Variants in ITGA1 observed in about 807,000 individuals in gnomAD.
The protein encoded by ITGA1 is integrin subunit alpha 1.
Under a neutral mutation model 145.9 loss-of-function variants are expected in ITGA1, and 85 were observed. That is an observed-to-expected ratio of 0.58 (90% CI 0.49 to 0.70). ITGA1 has a LOEUF of 0.70. ITGA1 is among the 30% of genes least tolerant of loss of function. ITGA1 has a pLI of 0.00. For missense variants in ITGA1, 1,351 were observed against 1,418.7 expected (o/e 0.95, Z 0.77); for synonymous variants, 520 against 495.3 (o/e 1.05, Z -0.66).
At chr5:52,832,898 G>T (rs1309447007) in intron 1 of ITGA1, among the ~76,000 whole-genome samples, 1 of 149,890 alleles carries the variant, frequency 6.7e-6, no homozygotes, top group Non-Finnish European at 1.5e-5. Context: ...GCCATCAAAA[G>T]CTTTGAGATT....
intron 14 of ITGA1, among the ~76,000 whole-genome samples, chr5:52,914,496 C>T (rs759400930): frequency 2.0e-5 from 3 of 151,658 alleles, no homozygotes; most frequent in Non-Finnish European, 4.4e-5. Context: ...ATTAGCCGGG[C>T]ATGGTGGCGC....
intron 1 of ITGA1, among the ~76,000 whole-genome samples, chr5:52,821,206 A>G (rs922442048): frequency 1.3e-5 from 2 of 152,226 alleles, no homozygotes; most frequent in Admixed American, 6.5e-5. Flanking sequence ...CAATAGCATT[A>G]AGATTAAGGA....
chr5:52,868,964 T>C, intron 6 of ITGA1, among the ~76,000 whole-genome samples: 1 of 152,158 alleles, frequency 6.6e-6, no homozygotes, highest in East Asian at 1.9e-4. Flanking sequence ...TGGGTAATAG[T>C]GGGGAAGATG....
At chr5:52,804,172 G>A (rs1748545451) in intron 1 of ITGA1, 1 of 152,064 alleles carries the variant, frequency 6.6e-6, no homozygotes, top group Non-Finnish European at 1.5e-5. Flanking sequence ...TCTCTGGAAA[G>A]CATATACAGT....
Position 52,910,416 on chromosome 5 carries a change from A to G in ITGA1, c.1854A>G (p.Ala618=). ...GSGKTIRKEY[A]QRIPSGGDGK... ...GCAAGACTATAAGGAAAGAGTATGC[A>G]CAAGTAAGAATTGAAACCTACAGAT... is the stretch of plus-strand genomic sequence containing the variant. The change falls in exon 14 of 29, where the codon GCA becomes GCG. Residue 618 remains alanine, a synonymous_variant. Transcript: ENST00000282588. 1 of 1,610,684 alleles carries G rather than the reference A, an allele frequency of 6.2e-7. No homozygotes were observed. Among genetic ancestry groups the G allele is most frequent in the Non-Finnish European group, 8.5e-7 (1 of 1,177,174 alleles).
intron 1 of ITGA1, among the ~76,000 whole-genome samples, chr5:52,809,942 C>T (rs6896291): frequency 0.27 from 40,342 of 152,042 alleles, 5,629 homozygotes; most frequent in Non-Finnish European, 0.3. Flanking sequence ...TACCTCCTAC[C>T]CTCATAAGAA....
chr5:52,877,899 G>A (rs1749892431), intron 6 of ITGA1, among the ~76,000 whole-genome samples: 1 of 152,188 alleles, frequency 6.6e-6, no homozygotes, highest in African/African-American at 2.4e-5. Context: ...CCAGCTCCCA[G>A]AAGCAAACCC....
intron 1 of ITGA1, chr5:52,801,367 C>A: frequency 6.6e-7 from 1 of 1,515,446 alleles, no homozygotes; most frequent in South Asian, 1.2e-5. Context: ...AATGGGTGTT[C>A]TAGGAGATTA....
At chr5:52,893,936 T>A in intron 9 of ITGA1, 96 bp downstream of exon 9, 1 of 492,032 alleles carries the variant, frequency 2.0e-6, no homozygotes, top group East Asian at 4.9e-5. Context: ...CAGTAATACT[T>A]TTTTTTTTTT....
chr5:52,800,576 T>C lies in ITGA1; in HGVS notation c.61+12162T>C, dbSNP rs1326675266. 18 of 1,613,442 alleles carry C rather than the reference T, an allele frequency of 1.1e-5. No individual in the cohort carries two copies. The highest frequency in any genetic ancestry group is 2.7e-5 in the African/African-American group (2 of 74,922). On this transcript the variant is annotated intron_variant, in intron 1 of 28. Coordinates refer to ENST00000282588, the MANE Select transcript of ITGA1 (RefSeq NM_181501.2). ...ACGGGCAGCGTGGGCAGCAACCGGGTCCGCACTACCCTCACTCTCTGCGTG... is the reference window on the plus strand; with the variant it reads ...ACGGGCAGCGTGGGCAGCAACCGGGCCCGCACTACCCTCACTCTCTGCGTG...
chr5:52,827,664 G>A (rs902679995), intron 1 of ITGA1, among the ~76,000 whole-genome samples: 2 of 152,148 alleles, frequency 1.3e-5, no homozygotes, highest in African/African-American at 2.4e-5. Context: ...GAAATTGCCA[G>A]AGCCACTGCA....
Position 52,788,386 on chromosome 5 carries a change from C to A in ITGA1, c.33C>A (p.Val11=), listed in dbSNP as rs1189773388. 10 of 1,512,222 alleles carry A rather than the reference C, an allele frequency of 6.6e-6. No individual in the cohort carries two copies. Among genetic ancestry groups the A allele is most frequent in the Admixed American group, 2.1e-5 (1 of 47,378 alleles). 93.7% of individuals were successfully genotyped at this position (1,512,222 alleles called of 1,614,324 possible). Residue 11 remains valine (V), a synonymous_variant, in exon 1 of 29, where the codon GTC becomes GTA. Coordinates refer to ENST00000282588, the MANE Select transcript of ITGA1 (RefSeq NM_181501.2). MAPRPRARPG[V]AVACCWLLTV... ...CTCGGCCCCGCGCCCGCCCAGGGGT[C>A]GCTGTCGCCTGCTGCTGGCTCCTCA...
chr5:52,853,864 G>T (rs546536536), intron 2 of ITGA1, among the ~76,000 whole-genome samples: 1 of 152,318 alleles, frequency 6.6e-6, no homozygotes, highest in East Asian at 1.9e-4. Context: ...TTGAGGAAAA[G>T]AAATTCAAAC....
At chr5:52,824,756 G>GA (rs1748934692) in intron 1 of ITGA1, 1 of 151,992 alleles carries the variant, frequency 6.6e-6, no homozygotes, top group South Asian at 2.1e-4. Context: ...TATTTAAATA[G>GA]AAAAAATAAA....
Position 52,920,390 on chromosome 5 carries a change from T to C in ITGA1, c.2214T>C (p.Ser738=), listed in dbSNP as rs1750713215. Residue 738 remains serine (S), a synonymous_variant, in exon 17 of 29, where the codon TCT becomes TCC. Coordinates refer to ENST00000282588, the MANE Select transcript of ITGA1 (RefSeq NM_181501.2). ...SLRQISRSFF[S]GTQERKVQRN... ...GACAAATATCACGAAGTTTTTTCTC[T>C]GGAACTCAAGAGAGAAAGGTTCAAA... 1.2e-6 allele frequency: 2 copies of C among 1,612,706 alleles called. No homozygotes were observed. The highest frequency in any genetic ancestry group is 1.1e-5 in the South Asian group (1 of 90,874).
chr5:52,927,543 C>T (rs1420906065), intron 19 of ITGA1, 41 bp from the exon 20 acceptor site: 9 of 1,384,398 alleles, frequency 6.5e-6, no homozygotes, highest in Non-Finnish European at 9.1e-6. Context: ...CAATATTTCA[C>T]CTGCTTGTCC....
At chr5:52,885,808 A>C (rs1387344144) in intron 7 of ITGA1, among the ~76,000 whole-genome samples, 1 of 152,226 alleles carries the variant, frequency 6.6e-6, no homozygotes, top group Non-Finnish European at 1.5e-5. Flanking sequence ...GTTACTTGCC[A>C]GGTTCTGATT....
intron 1 of ITGA1, among the ~76,000 whole-genome samples, chr5:52,793,695 T>C (rs1379175723): frequency 6.6e-6 from 1 of 152,044 alleles, no homozygotes; most frequent in East Asian, 1.9e-4. Flanking sequence ...AGATATAACA[T>C]TGTTCCTCTC....
At chr5:52,895,861 C>G (rs1463138182) in intron 9 of ITGA1, among the ~76,000 whole-genome samples, 1 of 152,100 alleles carries the variant, frequency 6.6e-6, no homozygotes, top group Non-Finnish European at 1.5e-5. Flanking sequence ...TAGACTATTT[C>G]TTATTTTTTT....
Sources: gnomAD v4.1 joint callset for allele counts (sites outside exome capture counted in the v4.1 genomes callset) on GRCh38, gnomAD v4.1.1 for gene constraint, MANE v1.5 for transcripts, NCBI Gene and HGNC (gene_info 2026-07-23, HGNC 2026-07-21) for gene names.